SEPTIN9: variants seen among roughly 807,000 people sequenced by gnomAD.
SEPTIN9 encodes the protein septin 9.
Under a neutral mutation model 56.6 loss-of-function variants are expected in SEPTIN9, and 13 were observed. The ratio of observed to expected loss-of-function variants is 0.23; its 90% CI spans 0.15 to 0.37. SEPTIN9 has a LOEUF of 0.37. SEPTIN9 is among the 10% of genes least tolerant of loss of function. The probability of loss-of-function intolerance (pLI) is 1.00; values close to 1 mark genes in which losing one functional copy is unlikely to be tolerated. For synonymous variants in SEPTIN9, 332 were observed against 334.1 expected (o/e 0.99, Z 0.07); for missense variants, 650 against 823.1 (o/e 0.79, Z 2.57).
At chr17:77,289,980 A>G (rs1256043729) in intron 1 of SEPTIN9, among the ~76,000 whole-genome samples, 1 of 152,212 alleles carries the variant, frequency 6.6e-6, no homozygotes, top group Non-Finnish European at 1.5e-5. Flanking sequence ...TCCCCATAGA[A>G]TGAATGTTGA....
chr17:77,332,963 C>T (rs970181852), intron 2 of SEPTIN9, among the ~76,000 whole-genome samples: 3 of 152,068 alleles, frequency 2.0e-5, no homozygotes, highest in African/African-American at 7.2e-5. Flanking sequence ...TGCATATGGG[C>T]GTTCATTTAT....
At chr17:77,468,111 A>G (rs1457191901) in intron 3 of SEPTIN9, among the ~76,000 whole-genome samples, 1 of 152,074 alleles carries the variant, frequency 6.6e-6, no homozygotes, top group Non-Finnish European at 1.5e-5. Context: ...TAAAAATATA[A>G]AAAATTAGCC....
chr17:77,289,393 A>AT (rs2031430440), intron 1 of SEPTIN9, among the ~76,000 whole-genome samples: 1 of 130,060 alleles, frequency 7.7e-6, no homozygotes, highest in East Asian at 2.3e-4. Flanking sequence ...TACCGCGCCC[A>AT]GCTTGCATTT....
At chr17:77,387,573 G>A (rs1160603105) in intron 2 of SEPTIN9, among the ~76,000 whole-genome samples, 3 of 152,168 alleles carry the variant, frequency 2.0e-5, no homozygotes, top group African/African-American at 7.2e-5. Context: ...TGGGTGGGGA[G>A]TGGGAGACCA....
At chr17:77,309,628 G>A (rs1326755065) in intron 2 of SEPTIN9, among the ~76,000 whole-genome samples, 2 of 152,128 alleles carry the variant, frequency 1.3e-5, no homozygotes, top group African/African-American at 2.4e-5. Context: ...CCAGAAGGAC[G>A]AAGGCTCTTC....
intron 2 of SEPTIN9, among the ~76,000 whole-genome samples, chr17:77,357,723 T>A (rs2034298601): frequency 6.6e-6 from 1 of 152,126 alleles, no homozygotes; most frequent in South Asian, 2.1e-4. Flanking sequence ...CAAGCAATCC[T>A]CCTGCCTCAG....
intron 2 of SEPTIN9, among the ~76,000 whole-genome samples, chr17:77,316,233 C>G (rs186919621): frequency 2.2e-4 from 34 of 152,298 alleles, no homozygotes; most frequent in African/African-American, 7.9e-4. Flanking sequence ...TTACACCATG[C>G]GCGGTGAGAG....
intron 2 of SEPTIN9, among the ~76,000 whole-genome samples, chr17:77,308,602 GATTTCCACTTATAT>G (rs1163989095): frequency 3.3e-5 from 5 of 152,302 alleles, no homozygotes; most frequent in Admixed American, 6.5e-5. Context: ...ATTTTAAATG[GATTTCCACTTATAT>G]CTACGTGTGG....
rs754868317 is a variant in SEPTIN9 at position 77,437,190 on chromosome 17, A to C, written c.721+34487A>C. ...CTGTGACTCCTCCTCACCCCACCCC[A>C]GTGGGGCCCTGCGAGGGAAAGAAGA... On this transcript the variant is annotated intron_variant, in intron 3 of 11. Transcript: ENST00000427177. The surrounding 1 kb of genome is among the most constrained non-coding windows in gnomAD (Gnocchi z 5.3). Among the ~76,000 whole-genome samples the C allele has an allele frequency of 1.2e-4, 19 of 152,182 alleles. No homozygotes were observed. Among genetic ancestry groups the C allele is most frequent in the Non-Finnish European group, 2.1e-4 (14 of 68,024 alleles).
At chr17:77,290,378 A>C (rs796765046) in intron 1 of SEPTIN9, among the ~76,000 whole-genome samples, 35 of 150,276 alleles carry the variant, frequency 2.3e-4, no homozygotes, top group African/African-American at 6.6e-4. Flanking sequence ...CTGCCTCAGC[A>C]TCCCGCATAG....
rs1441654549 is a variant in SEPTIN9 at position 77,329,850 on chromosome 17, C to T, written c.76+22653C>T. Among the ~76,000 whole-genome samples the T allele has an allele frequency of 6.6e-6, 1 of 152,212 alleles. No homozygotes were observed. The highest frequency in any genetic ancestry group is 1.9e-4 in the East Asian group (1 of 5,186). On this transcript the variant is annotated intron_variant, in intron 2 of 11. Transcript: ENST00000427177. This position sits in a 1 kb window ranked among gnomAD's most constrained non-coding sequence, Gnocchi z 4.3. Reference sequence around the variant, plus strand: ...GAACCTCCCTCCCATATTTACAGCACCAGCCAAGGCTTCGGGGTTTGGACA... The same window carrying T: ...GAACCTCCCTCCCATATTTACAGCATCAGCCAAGGCTTCGGGGTTTGGACA...
intron 2 of SEPTIN9, among the ~76,000 whole-genome samples, chr17:77,378,364 C>T (rs754702942): frequency 3.5e-4 from 54 of 152,160 alleles, no homozygotes; most frequent in African/African-American, 1.2e-3. Context: ...TCAGTTTCTT[C>T]GCCTGTTTCC....
intron 3 of SEPTIN9, among the ~76,000 whole-genome samples, chr17:77,473,838 A>G (rs1256613811): frequency 1.3e-5 from 2 of 152,208 alleles, no homozygotes; most frequent in South Asian, 4.1e-4. Flanking sequence ...CACTCAATAA[A>G]TACTTGTCAA....
intron 2 of SEPTIN9, among the ~76,000 whole-genome samples, chr17:77,391,400 C>T (rs1371147821): frequency 6.6e-6 from 1 of 152,190 alleles, no homozygotes; most frequent in Non-Finnish European, 1.5e-5. Flanking sequence ...CCTGCAGACG[C>T]ATCACCATCA....
At chr17:77,440,724 G>GCCATCTCC (rs2037516848) in intron 3 of SEPTIN9, among the ~76,000 whole-genome samples, 1 of 152,246 alleles carries the variant, frequency 6.6e-6, no homozygotes, top group Admixed American at 6.5e-5. Context: ...CTGCACAGGT[G>GCCATCTCC]CCATCTCCTT....
At chr17:77,390,223 C>T (rs1343803248) in intron 2 of SEPTIN9, among the ~76,000 whole-genome samples, 8 of 151,258 alleles carry the variant, frequency 5.3e-5, no homozygotes, top group African/African-American at 9.7e-5. Context: ...GGCAGGCGCC[C>T]GTAGTCCCAG....
At chr17:77,439,849 T>G (rs2144333773) in intron 3 of SEPTIN9, among the ~76,000 whole-genome samples, 1 of 152,356 alleles carries the variant, frequency 6.6e-6, no homozygotes, top group East Asian at 1.9e-4. Flanking sequence ...TGGGCCTCTT[T>G]GGGGACTCAT....
intron 3 of SEPTIN9, among the ~76,000 whole-genome samples, chr17:77,472,207 T>C (rs962531051): frequency 1.3e-5 from 2 of 151,520 alleles, no homozygotes; most frequent in African/African-American, 4.9e-5. Context: ...AAGCGGCGGG[T>C]GGTGTGAGGA....
In SEPTIN9 at chr17:77,302,560, C is replaced by T. The variant is rs2032098704; in HGVS notation, c.20-4581C>T. Among the ~76,000 whole-genome samples, 4 of 152,160 alleles carry T rather than the reference C, an allele frequency of 2.6e-5. No homozygotes were observed. The South Asian group carries it at 8.3e-4, about 31-fold the overall frequency. On this transcript the variant is annotated intron_variant, in intron 1 of 11. Transcript: ENST00000427177. ...GGGCGTGGTAGTGCATGCTTGTAAT[C>T]CCAGCTACGCAGGAGGTTGAGGCAG...
Sources: allele counts gnomAD v4.1 joint callset (sites outside exome capture counted in the v4.1 genomes callset), GRCh38; gene constraint gnomAD v4.1.1; non-coding constraint Gnocchi (gnomAD v3.1); transcripts MANE v1.5; gene names NCBI Gene and HGNC (gene_info 2026-07-23, HGNC 2026-07-21).